Variants in GGT1 observed in about 807,000 individuals in gnomAD.
GGT1 encodes the protein gamma-glutamyltransferase 1, also known as glutathione hydrolase 1 proenzyme.
GGT1 carries 21 observed loss-of-function variants against 56.0 expected under a neutral mutation model. The observed-to-expected ratio is 0.38, with a 90% CI of 0.27 to 0.54. GGT1 has a LOEUF of 0.54. GGT1 is among the 20% of genes least tolerant of loss of function. GGT1 has a pLI of 0.82. For missense variants in GGT1, 466 were observed against 787.0 expected (o/e 0.59, Z 4.88); for synonymous variants, 238 against 342.6 (o/e 0.69, Z 3.37).
At chr22:24,588,629 G>C in the GGT1 span, 111 of 1,096,688 alleles carry the variant, frequency 1.0e-4, no homozygotes, top group African/African-American at 1.6e-3. Context: ...CCAGCGTCTC[G>C]GGCTATCAGC....
intron 5 of GGT1, among the ~76,000 whole-genome samples, chr22:24,614,348 C>CAAAAAAAAAAAAAAAAAAAAAAA (rs534749815): frequency 9.3e-5 from 1 of 10,734 alleles, no homozygotes; most frequent in African/African-American, 2.5e-4. Flanking sequence ...GACTTTGTCT[C>CAAAAAAAAAAAAAAAAAAAAAAA]AAAAAAAAAA....
At chr22:24,599,508 G>T (rs1163958435), upstream of GGT1, 2 of 152,630 alleles carry the variant, frequency 1.3e-5, no homozygotes, top group East Asian at 3.8e-4. Context: ...AACAGCAGAG[G>T]GGCTGGGACC....
upstream of GGT1, chr22:24,590,015 C>CAT: frequency 2.0e-6 from 3 of 1,475,434 alleles, no homozygotes; most frequent in Middle Eastern, 3.6e-4. Flanking sequence ...ACCACCCCAG[C>CAT]CAGCCAGATG....
intron 11 of GGT1, chr22:24,624,732 A>T: frequency 2.1e-6 from 2 of 953,850 alleles, no homozygotes; most frequent in South Asian, 4.8e-5. Context: ...TTACTTCTTT[A>T]TCACGGCTTA....
At chr22:24,588,931 G>A in the GGT1 span, 50 of 1,003,520 alleles carry the variant, frequency 5.0e-5, no homozygotes, top group Middle Eastern at 1.0e-3. Flanking sequence ...TCCGAGGTGC[G>A]CGGCCCACAA....
chr22:24,584,183 G>T, the GGT1 span, among the ~76,000 whole-genome samples: 2 of 152,150 alleles, frequency 1.3e-5, no homozygotes, highest in African/African-American at 4.8e-5. Flanking sequence ...GAGCTGCTGG[G>T]CAGGGCCAGT....
chr22:24,605,495 TATA>T lies in GGT1; in HGVS notation c.-429+1972_-429+1974del, dbSNP rs1185000048. 5.9e-4 allele frequency among the ~76,000 whole-genome samples: 39 copies of T among 66,184 alleles called. 8 individuals are homozygous for T. In the East Asian group the frequency reaches 0.014, roughly 23 times the overall value. The allele number at this position is 66,184 out of a possible 152,430, so 43.4% of individuals were successfully genotyped here. On this transcript the variant is annotated intron_variant, in intron 1 of 15. Transcript: ENST00000400382. ...ATTATATAATGTGTATTATATATTA[TATA>T]ATATTATATAATGTGTATTATATAT...
At chr22:24,619,143 A>G (rs1275266250) in intron 7 of GGT1, among the ~76,000 whole-genome samples, 1 of 152,146 alleles carries the variant, frequency 6.6e-6, no homozygotes. Context: ...CACGCCTGTA[A>G]TCCCAGAACT....
At chr22:24,626,341 G>A (rs1164686727) in intron 11 of GGT1, among the ~76,000 whole-genome samples, 1 of 56,404 alleles carries the variant, frequency 1.8e-5, no homozygotes, top group South Asian at 8.2e-4. Flanking sequence ...CATTTTCTTC[G>A]GCCTTCGGGT....
rs1176743030 is a variant in GGT1 at position 24,623,098 on chromosome 22, C to G, written c.734-9C>G. Reference sequence around the variant, plus strand: ...CCCAGCACCCATTTGAGCTGCTGTCCCATTGCAGGGGGCATTGTGACAGCT... The same window carrying G: ...CCCAGCACCCATTTGAGCTGCTGTCGCATTGCAGGGGGCATTGTGACAGCT... On this transcript the variant is annotated splice_polypyrimidine_tract_variant and intron_variant, in intron 9 of 15. Transcript: ENST00000400382. 3.1e-6 allele frequency: 5 copies of G among 1,611,714 alleles called. No individual in the cohort carries two copies. The highest frequency in any genetic ancestry group is 4.5e-5 in the East Asian group (2 of 44,888).
At chr22:24,621,222 T>C (rs1327836669) in intron 9 of GGT1, 152 bp downstream of exon 9, 4 of 1,444,518 alleles carry the variant, frequency 2.8e-6, no homozygotes, top group Non-Finnish European at 3.7e-6. Context: ...GGTCCACAGC[T>C]CCTGCTTATA....
intron 1 of GGT1, among the ~76,000 whole-genome samples, chr22:24,605,051 T>TATATATATATATAAAATGTAA (rs1220658205): frequency 1.7e-5 from 1 of 60,250 alleles, no homozygotes; most frequent in African/African-American, 8.3e-5. Flanking sequence ...ATGTAATATA[T>TATATATATATATAAAATGTAA]TATATATTAT....
At chr22:24,587,397 G>A in the GGT1 span, among the ~76,000 whole-genome samples, 1 of 152,220 alleles carries the variant, frequency 6.6e-6, no homozygotes, top group Non-Finnish European at 1.5e-5. Flanking sequence ...AGCCCACTAG[G>A]CAGACAGGCC....
At chr22:24,593,165 G>GCGCC (rs2045626037), upstream of GGT1, 2 of 948,054 alleles carry the variant, frequency 2.1e-6, no homozygotes, top group African/African-American at 1.8e-5. Context: ...CGAAGGCTGA[G>GCGCC]CGCCCGCCCC....
rs5751911 is a variant in GGT1 at position 24,621,947 on chromosome 22, G to A, written c.733+877G>A. Among the ~76,000 whole-genome samples the A allele has an allele frequency of 3.9e-3, 592 of 152,066 alleles. 10 individuals are homozygous for A. In the East Asian group the frequency reaches 0.05, roughly 13 times the overall value. ...TGCCTGTAATCCCAGCTACTTGGGA[G>A]GCTGTGCCAGGAGAATCGCTAGAAC... On this transcript the variant is annotated intron_variant, in intron 9 of 15. Transcript: ENST00000400382.
intron 11 of GGT1, chr22:24,624,698 A>G (rs182752388): frequency 2.7e-4 from 269 of 983,462 alleles, no homozygotes; most frequent in Non-Finnish European, 3.2e-4. Flanking sequence ...TGTTCCTACA[A>G]TGCTCCTTTC....
rs561532899 is a variant in GGT1, at chr22:24,612,567, C to T, written c.164+1322C>T. Among the ~76,000 whole-genome samples, 3 of 150,246 alleles carry T rather than the reference C, an allele frequency of 2.0e-5. No homozygotes were observed. The Admixed American group carries it at 2.0e-4, about 10-fold the overall frequency. ...TTTGAGACGGAGTCTCACGCTGTCT[C>T]CCAGGCTGGAGTGCAGTGGCGCAAT... On this transcript the variant is annotated intron_variant, in intron 5 of 15. Coordinates refer to ENST00000400382, the MANE Select transcript of GGT1 (RefSeq NM_001288833.2).
At chr22:24,617,394 G>A (rs957383090) in intron 7 of GGT1, among the ~76,000 whole-genome samples, 16 of 152,288 alleles carry the variant, frequency 1.1e-4, no homozygotes, top group African/African-American at 3.8e-4. Context: ...GTATGTGAGT[G>A]GAAGGGGATG....
chr22:24,608,021 C>T lies in GGT1; in HGVS notation c.-361C>T, dbSNP rs962493083. On this transcript the variant is annotated splice_region_variant and 5_prime_UTR_variant, in exon 2 of 16. An upstream open reading frame in the 5' UTR gains an earlier in-frame stop. Coordinates refer to ENST00000400382, the MANE Select transcript of GGT1 (RefSeq NM_001288833.2). ...CTGGGCCCCCACTGTCCCCAGGCCTCAGGTAAGCCCATCAGGGTCCCAAGG... is the reference window on the plus strand; with the variant it reads ...CTGGGCCCCCACTGTCCCCAGGCCTTAGGTAAGCCCATCAGGGTCCCAAGG... The T allele has an allele frequency of 7.3e-5, 34 of 468,866 alleles. No individual in the cohort carries two copies. In the Admixed American group the frequency reaches 7.8e-4, roughly 11 times the overall value. The allele number at this position is 468,866 out of a possible 1,614,324, so 29.0% of individuals were successfully genotyped here.
Sources: allele counts gnomAD v4.1 joint callset (sites outside exome capture counted in the v4.1 genomes callset), GRCh38; gene constraint gnomAD v4.1.1; transcripts MANE v1.5; gene names NCBI Gene and HGNC (gene_info 2026-07-23, HGNC 2026-07-21).